The following CNTN5 variants were observed in gnomAD, a reference collection of about 807,000 sequenced individuals.
CNTN5 encodes the protein contactin-5.
A neutral mutation model predicts 129.1 loss-of-function variants in CNTN5; 77 were observed. The observed-to-expected ratio is 0.60, with a 90% CI of 0.50 to 0.72. The LOEUF is 0.72. CNTN5 is among the 30% of genes least tolerant of loss of function. The pLI is 0.00. For missense variants in CNTN5, 1,478 were observed against 1,328.8 expected (o/e 1.11, Z -1.75); for synonymous variants, 509 against 465.6 (o/e 1.09, Z -1.20).
At chr11:100,011,874 G>A (rs1940556425) in intron 9 of CNTN5, among the ~76,000 whole-genome samples, 1 of 152,092 alleles carries the variant, frequency 6.6e-6, no homozygotes, top group Admixed American at 6.6e-5. Flanking sequence ...TTGTAACTGT[G>A]AGAATGACAA....
At chr11:100,165,971 A>C (rs886697670) in intron 13 of CNTN5, among the ~76,000 whole-genome samples, 1 of 151,706 alleles carries the variant, frequency 6.6e-6, no homozygotes, top group Non-Finnish European at 1.5e-5. Context: ...TTTCAGTTTA[A>C]AGTGTGTATC....
chr11:99,820,190 T>C (rs79975853), intron 4 of CNTN5, among the ~76,000 whole-genome samples: 1 of 28,922 alleles, frequency 3.5e-5, no homozygotes, highest in African/African-American at 1.1e-4. Flanking sequence ...TTTGTATGCA[T>C]TATTATGTAA....
intron 8 of CNTN5, among the ~76,000 whole-genome samples, chr11:99,972,517 T>A (rs1356167356): frequency 6.6e-6 from 1 of 152,200 alleles, no homozygotes; most frequent in Non-Finnish European, 1.5e-5. Flanking sequence ...ACATGCTCTC[T>A]CTTTCTAAAG....
At chr11:99,025,893 A>G (rs1168234250) in intron 1 of CNTN5, among the ~76,000 whole-genome samples, 1 of 151,734 alleles carries the variant, frequency 6.6e-6, no homozygotes, top group Non-Finnish European at 1.5e-5. Flanking sequence ...TAAACGAAAT[A>G]TAAAGGCAAT....
intron 6 of CNTN5, among the ~76,000 whole-genome samples, chr11:99,886,555 A>C (rs1361692793): frequency 6.6e-6 from 1 of 152,186 alleles, no homozygotes; most frequent in Non-Finnish European, 1.5e-5. Flanking sequence ...GTGTGGGTTA[A>C]GAATTCATAA....
chr11:99,366,060 T>G (rs1228737861), intron 2 of CNTN5, among the ~76,000 whole-genome samples: 1 of 152,166 alleles, frequency 6.6e-6, no homozygotes. Context: ...ATCCCATCCA[T>G]CCTCATCACT....
chr11:100,346,639 T>C (rs1358988795), intron 23 of CNTN5, among the ~76,000 whole-genome samples: 8 of 152,122 alleles, frequency 5.3e-5, no homozygotes, highest in Non-Finnish European at 1.2e-4. Flanking sequence ...GAAAATAGCC[T>C]TTCCTAGATA....
At chr11:99,770,321 A>G (rs935443969) in intron 3 of CNTN5, among the ~76,000 whole-genome samples, 2 of 152,128 alleles carry the variant, frequency 1.3e-5, no homozygotes, top group African/African-American at 4.8e-5. Context: ...TCATTCTTAT[A>G]TCTGTTCCTT....
intron 13 of CNTN5, among the ~76,000 whole-genome samples, chr11:100,115,868 A>G (rs1193205384): frequency 1.3e-5 from 2 of 152,072 alleles, no homozygotes; most frequent in Non-Finnish European, 2.9e-5. Context: ...ATTTATTCAT[A>G]TATGGCCCAG....
chr11:99,802,514 T>C (rs1219119253), intron 3 of CNTN5, among the ~76,000 whole-genome samples: 1 of 152,188 alleles, frequency 6.6e-6, no homozygotes, highest in Admixed American at 6.5e-5. Flanking sequence ...AGCATGGAGC[T>C]GTGAAACCTT....
chr11:99,368,725 A>G (rs144891953), intron 2 of CNTN5, among the ~76,000 whole-genome samples: 1 of 152,316 alleles, frequency 6.6e-6, no homozygotes, highest in East Asian at 1.9e-4. Context: ...AACTTGTTCT[A>G]GTTCCCATGG....
chr11:99,063,158 G>A (rs939700778), intron 1 of CNTN5, among the ~76,000 whole-genome samples: 4 of 152,046 alleles, frequency 2.6e-5, no homozygotes, highest in Non-Finnish European at 5.9e-5. Flanking sequence ...GCTGTCCTGG[G>A]ATGAAAACTG....
At chr11:100,267,253 C>CCACACACACACACA (rs113458728) in intron 17 of CNTN5, among the ~76,000 whole-genome samples, 5,133 of 143,672 alleles carry the variant, frequency 0.036, 120 homozygotes, top group Middle Eastern at 0.078. Context: ...CATGAATCAA[C>CCACACACACACACA]CACACACACA....
intron 3 of CNTN5, among the ~76,000 whole-genome samples, chr11:99,616,968 G>A (rs921463977): frequency 1.3e-5 from 2 of 152,100 alleles, no homozygotes; most frequent in African/African-American, 4.8e-5. Flanking sequence ...AAAATTAGCT[G>A]GGCGTGGTGG....
chr11:99,102,186 T>G (rs1335742276), intron 1 of CNTN5, among the ~76,000 whole-genome samples: 3 of 152,088 alleles, frequency 2.0e-5, no homozygotes, highest in Non-Finnish European at 2.9e-5. Flanking sequence ...GTACCTAGAC[T>G]GCAGACAGCA....
At chr11:99,816,509 T>C (rs1469708987) in intron 3 of CNTN5, among the ~76,000 whole-genome samples, 1 of 152,194 alleles carries the variant, frequency 6.6e-6, no homozygotes, top group Non-Finnish European at 1.5e-5. Context: ...ACCTATCTTC[T>C]AGTGGAGGCA....
intron 7 of CNTN5, among the ~76,000 whole-genome samples, chr11:99,919,866 G>A (rs947673648): frequency 1.3e-5 from 2 of 149,500 alleles, no homozygotes; most frequent in Admixed American, 6.7e-5. Context: ...ATGTTACTCA[G>A]GCTGTTCTTG....
intron 3 of CNTN5, among the ~76,000 whole-genome samples, chr11:99,703,188 GT>G (rs746691879): frequency 2.4e-5 from 3 of 126,314 alleles, no homozygotes; most frequent in Non-Finnish European, 5.2e-5. Flanking sequence ...TTTCCTGAGT[GT>G]TTTTTATAAA....
At chr11:99,489,376 G>A (rs1945945430) in intron 2 of CNTN5, among the ~76,000 whole-genome samples, 1 of 152,168 alleles carries the variant, frequency 6.6e-6, no homozygotes, top group South Asian at 2.1e-4. Context: ...AAGTGAAGCT[G>A]TTAAAACAAT....
Sources: gnomAD v4.1 joint callset for allele counts (sites outside exome capture counted in the v4.1 genomes callset) on GRCh38, gnomAD v4.1.1 for gene constraint, MANE v1.5 for transcripts, NCBI Gene and HGNC (gene_info 2026-07-23, HGNC 2026-07-21) for gene names.